The following ELOF1 variants were observed in gnomAD, a reference collection of about 807,000 sequenced individuals.
ELOF1 encodes the protein elongation factor 1.
ELOF1 carries 4 observed loss-of-function variants against 7.1 expected under a neutral mutation model. That is an observed-to-expected ratio of 0.56 (90% confidence interval 0.28 to 1.29). ELOF1 has a LOEUF of 1.29. Ranked by LOEUF, ELOF1 falls within the 50% of genes most tolerant of loss-of-function variation. The pLI is 0.10. For missense variants in ELOF1, 59 were observed against 86.3 expected, an observed-to-expected ratio of 0.68 and a Z score of 1.25; for synonymous variants, 31 against 31.9, an observed-to-expected ratio of 0.97 and a Z score of 0.09.
At chr19:11,553,231 G>C (rs2145052801) in intron 3 of ELOF1, 1 of 398,932 alleles carries the variant, frequency 2.5e-6, no homozygotes, top group South Asian at 1.4e-4. Flanking sequence ...CCGGCCACGG[G>C]CACTAGAAGG....
In ELOF1 at chr19:11,554,216, C is replaced by T. The variant is rs761429233; in HGVS notation, c.116+16G>A. ...GCAGTGGGGAGGCTGGATCCCTTGCCCTGTTCCCCACTCACATTTTCACAT... is the reference window on the plus strand; with the variant it reads ...GCAGTGGGGAGGCTGGATCCCTTGCTCTGTTCCCCACTCACATTTTCACAT... On this transcript the variant is annotated intron_variant, in intron 2 of 3. Coordinates refer to ENST00000586683, the Ensembl canonical transcript of ELOF1. 1 of 1,612,982 alleles carries T rather than the reference C, an allele frequency of 6.2e-7. No homozygotes were observed. The highest frequency in any genetic ancestry group is 1.1e-5 in the South Asian group (1 of 91,046).
chr19:11,553,626 CA>C, intron 3 of ELOF1: 4 of 886,926 alleles, frequency 4.5e-6, no homozygotes, highest in Non-Finnish European at 3.5e-6. Context: ...CACACACACA[CA>C]CACACGGCTG....
chr19:11,556,061 G>T (rs1437891248), intron 1 of ELOF1, among the ~76,000 whole-genome samples: 1 of 152,120 alleles, frequency 6.6e-6, no homozygotes, highest in Non-Finnish European at 1.5e-5. Context: ...AGGCAGGTGG[G>T]TGGGGAAACG....
chr19:11,555,209 A>G, intron 1 of ELOF1: 1 of 214,740 alleles, frequency 4.7e-6, no homozygotes, highest in Non-Finnish European at 9.9e-6. Context: ...GTGAGCCGAG[A>G]TCGCACCATT....
At chr19:11,553,616 C>T in intron 3 of ELOF1, 1 of 843,860 alleles carries the variant, frequency 1.2e-6, no homozygotes, top group Non-Finnish European at 1.8e-6. Context: ...CACACACACA[C>T]ACACACACAC....
At chr19:11,553,137 C>T (rs929609156) in intron 3 of ELOF1, 3 of 401,674 alleles carry the variant, frequency 7.5e-6, no homozygotes, top group African/African-American at 4.1e-5. Flanking sequence ...GAACATGAAA[C>T]GGGCTTCCTG....
intron 1 of ELOF1, among the ~76,000 whole-genome samples, chr19:11,558,492 A>T (rs1238740908): frequency 6.6e-6 from 1 of 151,932 alleles, no homozygotes; most frequent in Non-Finnish European, 1.5e-5. Context: ...CCGTAATCTC[A>T]TCACTTTGGG....
At chr19:11,557,573 G>A (rs1388844187) in intron 1 of ELOF1, among the ~76,000 whole-genome samples, 4 of 138,472 alleles carry the variant, frequency 2.9e-5, no homozygotes, top group Non-Finnish European at 6.0e-5. Flanking sequence ...TCCAGCCTGG[G>A]CAACAGAGCA....
chr19:11,555,724 A>C (rs542016855), intron 1 of ELOF1: 1 of 152,622 alleles, frequency 6.6e-6, no homozygotes, highest in African/African-American at 2.4e-5. Flanking sequence ...TGGGAGCTAC[A>C]AGGAGTGAAA....
At chr19:11,553,720 GC>G in intron 3 of ELOF1, 1 of 1,614,104 alleles carries the variant, frequency 6.2e-7, no homozygotes. Flanking sequence ...ACGCGGGGCT[GC>G]TCAGGGGGCG....
At position 11,557,632 on chromosome 19, in the gene ELOF1, C is replaced by T. The variant is rs148029211; in HGVS notation, c.-19+1559G>A. On this transcript the variant is annotated intron_variant, in intron 1 of 3. Transcript: ENST00000586683. Reference sequence around the variant, plus strand: ...AAAAAAGGCTGAGTGCAGTGGTTCACGCCTGTAATCCCAGCACTTTGGGAG... The same window carrying T: ...AAAAAAGGCTGAGTGCAGTGGTTCATGCCTGTAATCCCAGCACTTTGGGAG... 9.7e-3 allele frequency among the ~76,000 whole-genome samples: 1,419 copies of T among 146,592 alleles called. 11 individuals carry two copies. The highest frequency in any genetic ancestry group is 0.013 in the Non-Finnish European group (876 of 67,180).
intron 3 of ELOF1, 59 bp from the exon 4 acceptor site, chr19:11,553,869 A>G (rs916904094): frequency 6.2e-7 from 1 of 1,612,804 alleles, no homozygotes; most frequent in Non-Finnish European, 8.5e-7. Context: ...GCATCTTCTC[A>G]CCCCACAGAA....
At chr19:11,554,173 G>C in intron 2 of ELOF1, 59 bp downstream of exon 2, 5 of 1,613,900 alleles carry the variant, frequency 3.1e-6, no homozygotes, top group Non-Finnish European at 4.2e-6. Context: ...GGGCAGGATG[G>C]AGAACAGCGG....
exon 3 of ELOF1, chr19:11,554,080 C>T: frequency 6.2e-7 from 1 of 1,614,198 alleles, no homozygotes; most frequent in Non-Finnish European, 8.5e-7. Context: ...CGGGCACGGT[C>T]CCTGAAACAG....
At position 11,553,582 on chromosome 19, in the gene ELOF1, T is replaced by TACACACAC. The variant is rs57015096; in HGVS notation, c.187+421_187+428dup. 2,608 of 605,512 alleles carry TACACACAC rather than the reference T, an allele frequency of 4.3e-3. 18 individuals carry two copies. The highest frequency in any genetic ancestry group is 0.019 in the East Asian group (649 of 33,984). 37.5% of individuals were successfully genotyped at this position (605,512 alleles called of 1,614,324 possible). On this transcript the variant is annotated intron_variant, in intron 3 of 3. Coordinates refer to ENST00000586683, the Ensembl canonical transcript of ELOF1. ...CACCCACACCCACACGCACACCCACTACACACACACACACACACACACACA... is the reference window on the plus strand; with the variant it reads ...CACCCACACCCACACGCACACCCACTACACACACACACACACACACACACACACACACA...
At chr19:11,554,135 T>C in intron 2 of ELOF1, 54 bp from the exon 3 acceptor site, 2 of 1,613,834 alleles carry the variant, frequency 1.2e-6, no homozygotes, top group Non-Finnish European at 1.7e-6. Flanking sequence ...GGCCTGTGGG[T>C]GATGACGCCT....
At chr19:11,554,952 T>TAA (rs74180029) in intron 1 of ELOF1, 9 of 97,182 alleles carry the variant, frequency 9.3e-5, no homozygotes, top group South Asian at 3.3e-4. Flanking sequence ...AAACCCTGCA[T>TAA]AAAAAAAAAA....
At chr19:11,557,750 A>C (rs980000600) in intron 1 of ELOF1, among the ~76,000 whole-genome samples, 2 of 148,508 alleles carry the variant, frequency 1.3e-5, no homozygotes, top group African/African-American at 5.0e-5. Flanking sequence ...AAAATTAGCC[A>C]GGCATGGTGG....
intron 3 of ELOF1, 28 bp downstream of exon 3, chr19:11,553,983 T>C: frequency 6.2e-7 from 1 of 1,614,066 alleles, no homozygotes; most frequent in Non-Finnish European, 8.5e-7. Context: ...CCCCACCCTC[T>C]GGAAAAAGCC....
Sources: allele counts gnomAD v4.1 joint callset (sites outside exome capture counted in the v4.1 genomes callset), GRCh38; gene constraint gnomAD v4.1.1; transcripts MANE v1.5; gene names NCBI Gene and HGNC (gene_info 2026-07-23, HGNC 2026-07-21).